The following GBE1 variants were observed in gnomAD, a reference collection of about 807,000 sequenced individuals.
The protein encoded by GBE1 is 1,4-alpha-glucan-branching enzyme.
In GBE1, 70 loss-of-function variants were observed where a neutral mutation model predicts 88.8. That is an observed-to-expected ratio of 0.79 (90% confidence interval 0.65 to 0.96). GBE1 has a LOEUF of 0.96. GBE1 is among the 40% of genes least tolerant of loss of function. The probability of loss-of-function intolerance (pLI) is 0.00; values close to 1 mark genes in which losing one functional copy is unlikely to be tolerated. For missense variants in GBE1, 872 were observed against 871.0 expected (o/e 1.00, Z -0.01); for synonymous variants, 284 against 300.1 (o/e 0.95, Z 0.56).
intron 9 of GBE1, 151 bp downstream of exon 9, chr3:81,590,886 G>T (rs1264295793): frequency 2.0e-6 from 1 of 504,896 alleles, no homozygotes; most frequent in Non-Finnish European, 3.3e-6. Flanking sequence ...TAAATAATGT[G>T]CCACCCATAC....
chr3:81,637,517 G>T (rs1704608093), intron 7 of GBE1, among the ~76,000 whole-genome samples: 1 of 152,064 alleles, frequency 6.6e-6, no homozygotes, highest in Non-Finnish European at 1.5e-5. Context: ...TAGTATATGT[G>T]TATCTCTAAC....
chr3:81,510,647 G>C (rs1702713554), intron 14 of GBE1, among the ~76,000 whole-genome samples: 1 of 151,890 alleles, frequency 6.6e-6, no homozygotes, highest in South Asian at 2.1e-4. Flanking sequence ...ATACTGTTTG[G>C]GTGATGGGTG....
chr3:81,646,276 T>G (rs1704761728), intron 6 of GBE1, 116 bp downstream of exon 6: 3 of 683,256 alleles, frequency 4.4e-6, no homozygotes, highest in Non-Finnish European at 7.7e-6. Context: ...TCAGCTTCTA[T>G]TAACTCTGTT....
chr3:81,645,239 A>G lies in GBE1; in HGVS notation c.782+1153T>C, dbSNP rs1704746841. On this transcript the variant is annotated intron_variant, in intron 6 of 15. Coordinates refer to ENST00000429644, the MANE Select transcript of GBE1 (RefSeq NM_000158.4). ...AAGAGAATGGAACTAAGTTCTGATTATTGGGACGTCCAATATTTAGTGGTA... is the reference window on the plus strand; with the variant it reads ...AAGAGAATGGAACTAAGTTCTGATTGTTGGGACGTCCAATATTTAGTGGTA... 1.3e-5 allele frequency among the ~76,000 whole-genome samples: 2 copies of G among 152,190 alleles called. 1 individual carries two copies. The highest frequency in any genetic ancestry group is 4.1e-4 in the South Asian group (2 of 4,834).
intron 1 of GBE1, among the ~76,000 whole-genome samples, chr3:81,714,898 C>T (rs1023098594): frequency 3.3e-5 from 5 of 152,130 alleles, no homozygotes; most frequent in African/African-American, 1.2e-4. Flanking sequence ...AACCTAAACA[C>T]TCCCCAATCT....
chr3:81,505,081 T>A (rs1702636211), intron 14 of GBE1, among the ~76,000 whole-genome samples: 1 of 152,122 alleles, frequency 6.6e-6, no homozygotes, highest in Non-Finnish European at 1.5e-5. Context: ...TCTAATAAAG[T>A]GAAAAAATAT....
intron 7 of GBE1, among the ~76,000 whole-genome samples, chr3:81,635,822 T>C (rs1704584463): frequency 6.6e-6 from 1 of 152,196 alleles, no homozygotes. Context: ...AGAGATGTTT[T>C]AGGGCAATGA....
At chr3:81,576,708 G>A (rs867434062) in intron 12 of GBE1, among the ~76,000 whole-genome samples, 1 of 151,930 alleles carries the variant, frequency 6.6e-6, no homozygotes, top group Non-Finnish European at 1.5e-5. Context: ...TGGCTGATGC[G>A]ATACAGTCTC....
chr3:81,636,100 C>T (rs1377118382), intron 7 of GBE1, among the ~76,000 whole-genome samples: 1 of 152,204 alleles, frequency 6.6e-6, no homozygotes, highest in Admixed American at 6.6e-5. Context: ...TGAGTAATCT[C>T]ATAAACCCTG....
intron 12 of GBE1, among the ~76,000 whole-genome samples, chr3:81,571,379 TG>T (rs1054141407): frequency 5.9e-5 from 9 of 152,184 alleles, no homozygotes; most frequent in African/African-American, 1.9e-4. Flanking sequence ...TCTCATGTCA[TG>T]GGGAATATGT....
intron 7 of GBE1, among the ~76,000 whole-genome samples, chr3:81,601,592 A>G (rs1704032987): frequency 6.6e-6 from 1 of 152,178 alleles, no homozygotes; most frequent in African/African-American, 2.4e-5. Flanking sequence ...GAATGGGTAT[A>G]ACGTGATGGC....
intron 12 of GBE1, among the ~76,000 whole-genome samples, chr3:81,568,376 G>T (rs1255385358): frequency 6.6e-6 from 1 of 152,108 alleles, no homozygotes; most frequent in Non-Finnish European, 1.5e-5. Flanking sequence ...ACCAACTTCT[G>T]ACATCAAGTG....
At chr3:81,512,417 A>T (rs961025195) in intron 14 of GBE1, among the ~76,000 whole-genome samples, 1 of 151,812 alleles carries the variant, frequency 6.6e-6, no homozygotes, top group Non-Finnish European at 1.5e-5. Context: ...GCTGGAAAAA[A>T]TTTTTCCACT....
chr3:81,661,188 T>C (rs910402030), intron 3 of GBE1, among the ~76,000 whole-genome samples: 1 of 152,096 alleles, frequency 6.6e-6, no homozygotes, highest in Non-Finnish European at 1.5e-5. Flanking sequence ...TATAATCATA[T>C]TTAAAATATA....
At chr3:81,509,077 G>A (rs761307463) in intron 14 of GBE1, among the ~76,000 whole-genome samples, 6 of 151,996 alleles carry the variant, frequency 3.9e-5, no homozygotes, top group Non-Finnish European at 8.8e-5. Context: ...TGTCTCAAGA[G>A]ATGAAAAATA....
intron 14 of GBE1, among the ~76,000 whole-genome samples, chr3:81,524,720 G>A (rs1196862059): frequency 2.0e-5 from 3 of 151,750 alleles, no homozygotes; most frequent in East Asian, 1.9e-4. Flanking sequence ...GTTCACTGTA[G>A]ATACATGGAT....
intron 12 of GBE1, among the ~76,000 whole-genome samples, chr3:81,553,250 T>C (rs555519192): frequency 4.6e-5 from 7 of 152,334 alleles, no homozygotes; most frequent in African/African-American, 1.7e-4. Flanking sequence ...ACGTTGTAGC[T>C]GTTTAGCCTC....
rs145256970 is a variant in GBE1, at chr3:81,642,263, T to A, written c.992+518A>T. ...AAGTAGAGTTGCTGTGCAGATTAAATAAGATAAAATAGGTAGCTAATATAT... is the reference window on the plus strand; with the variant it reads ...AAGTAGAGTTGCTGTGCAGATTAAAAAAGATAAAATAGGTAGCTAATATAT... On this transcript the variant is annotated intron_variant, in intron 7 of 15. Coordinates refer to ENST00000429644, the MANE Select transcript of GBE1 (RefSeq NM_000158.4). Among the ~76,000 whole-genome samples, 43 of 152,172 alleles carry A rather than the reference T, an allele frequency of 2.8e-4. 1 individual carries two copies. Among genetic ancestry groups the A allele is most frequent in the African/African-American group, 7.9e-4 (33 of 41,548 alleles).
chr3:81,682,193 T>C (rs1705355602), intron 2 of GBE1, among the ~76,000 whole-genome samples: 1 of 152,206 alleles, frequency 6.6e-6, no homozygotes, highest in African/African-American at 2.4e-5. Flanking sequence ...CTGGGTGTGG[T>C]GGCTCACATC....
Sources: allele counts gnomAD v4.1 joint callset (sites outside exome capture counted in the v4.1 genomes callset), GRCh38; gene constraint gnomAD v4.1.1; transcripts MANE v1.5; gene names NCBI Gene and HGNC (gene_info 2026-07-23, HGNC 2026-07-21).